STK3: variants seen among roughly 807,000 people sequenced by gnomAD.
The protein encoded by STK3 is serine/threonine kinase 3.
A neutral mutation model predicts 58.0 loss-of-function variants in STK3; 41 were observed. The observed-to-expected ratio is 0.71, with a 90% CI of 0.55 to 0.92. STK3 has a LOEUF of 0.92. Among genes scored for constraint, STK3 ranks in the 40% least tolerant of loss-of-function variants. The pLI is 0.00. For synonymous variants in STK3, 170 were observed against 191.0 expected, an observed-to-expected ratio of 0.89 and a Z score of 0.91; for missense variants, 479 against 602.7, an observed-to-expected ratio of 0.79 and a Z score of 2.15.
intron 1 of STK3, among the ~76,000 whole-genome samples, chr8:98,926,948 G>A (rs775989101): frequency 5.3e-5 from 8 of 152,138 alleles, no homozygotes; most frequent in Non-Finnish European, 1.2e-4. Flanking sequence ...GAACTGCAGG[G>A]GCATGGGGCC....
chr8:98,628,220 A>G (rs1194862022), intron 6 of STK3, among the ~76,000 whole-genome samples: 1 of 152,166 alleles, frequency 6.6e-6, no homozygotes, highest in African/African-American at 2.4e-5. Flanking sequence ...AGTTTATACA[A>G]GCTATCCACA....
chr8:98,910,396 C>T (rs1451294613), intron 1 of STK3, among the ~76,000 whole-genome samples: 1 of 152,104 alleles, frequency 6.6e-6, no homozygotes, highest in East Asian at 1.9e-4. Flanking sequence ...AATATTCCAG[C>T]AGATGAGCTC....
At chr8:98,896,966 C>A (rs902027101) in intron 1 of STK3, among the ~76,000 whole-genome samples, 3 of 151,530 alleles carry the variant, frequency 2.0e-5, no homozygotes, top group Non-Finnish European at 4.4e-5. Context: ...GCGACAGAGA[C>A]CCTGTCTCAA....
intron 2 of STK3, among the ~76,000 whole-genome samples, chr8:98,435,500 A>G (rs139031090): frequency 1.2e-3 from 181 of 151,788 alleles, no homozygotes; most frequent in African/African-American, 3.8e-3. Context: ...TCAGCTTGGA[A>G]GTGTGAGAGG....
chr8:98,707,411 TG>T, intron 4 of STK3, 100 bp from the exon 5 acceptor site: 3 of 939,692 alleles, frequency 3.2e-6, no homozygotes, highest in Non-Finnish European at 4.6e-6. Flanking sequence ...TGTGTGTGTG[TG>T]TGTTTTTTTT....
chr8:98,444,434 G>A (rs1449769567), intron 1 of STK3, among the ~76,000 whole-genome samples: 3 of 152,170 alleles, frequency 2.0e-5, no homozygotes, highest in South Asian at 2.1e-4. Flanking sequence ...GGGTGAGATC[G>A]ACTGAGGAGG....
chr8:98,577,727 T>G (rs1372941610), intron 8 of STK3, among the ~76,000 whole-genome samples: 1 of 152,042 alleles, frequency 6.6e-6, no homozygotes, highest in Non-Finnish European at 1.5e-5. Context: ...ACCCTGAGAA[T>G]GAATCACGTA....
chr8:98,940,057 A>G (rs72668463), intron 1 of STK3, among the ~76,000 whole-genome samples: 2,021 of 152,252 alleles, frequency 0.013, 22 homozygotes, highest in Non-Finnish European at 0.021. Context: ...ACTGCAGGAG[A>G]TCCCCTTCCC....
intron 1 of STK3, among the ~76,000 whole-genome samples, chr8:98,791,835 A>T (rs1587633216): frequency 6.6e-6 from 1 of 152,238 alleles, no homozygotes; most frequent in Admixed American, 6.5e-5. Flanking sequence ...CAGGGACTTA[A>T]ATCTAAGACC....
chr8:98,765,434 A>C (rs1830883169), intron 3 of STK3, among the ~76,000 whole-genome samples: 3 of 152,238 alleles, frequency 2.0e-5, no homozygotes, highest in Non-Finnish European at 1.5e-5. Flanking sequence ...TACAATCTAT[A>C]GATCCTATGT....
intron 2 of STK3, among the ~76,000 whole-genome samples, chr8:98,771,399 A>G (rs1243043743): frequency 6.6e-6 from 1 of 152,202 alleles, no homozygotes; most frequent in East Asian, 1.9e-4. Context: ...ATATGCTATG[A>G]GTTGGTACCT....
chr8:98,390,925 A>G (rs1408114747), upstream of STK3, among the ~76,000 whole-genome samples: 2 of 152,064 alleles, frequency 1.3e-5, no homozygotes, highest in Admixed American at 6.5e-5. Context: ...AAGACCTTCT[A>G]TTCTTTCTAT....
chr8:98,700,331 G>A (rs867723465), intron 6 of STK3, among the ~76,000 whole-genome samples: 1 of 152,198 alleles, frequency 6.6e-6, no homozygotes, highest in Admixed American at 6.5e-5. Context: ...GTGAGGCAAT[G>A]CCTCGCCCTG....
intron 6 of STK3, among the ~76,000 whole-genome samples, chr8:98,657,155 T>G (rs758209411): frequency 3.0e-4 from 46 of 152,044 alleles, no homozygotes; most frequent in Non-Finnish European, 6.3e-4. Context: ...AATATATACA[T>G]AACAGTCAAG....
Position 98,428,867 on chromosome 8 carries a change from C to A in STK3, n.483+5260G>T. Reference sequence around the variant, plus strand: ...CCAACTTGGGCAGGGTGGCCCAGGTCCTGAGGCTGATGCGGATCTTCCGCA... The same window carrying A: ...CCAACTTGGGCAGGGTGGCCCAGGTACTGAGGCTGATGCGGATCTTCCGCA... On this transcript the variant is annotated intron_variant and non_coding_transcript_variant, in intron 3 of 3. Transcript: ENST00000517832. The surrounding 1 kb of genome is among the most constrained non-coding windows in gnomAD (Gnocchi z 6.7). The A allele has an allele frequency of 6.2e-7, 1 of 1,614,186 alleles. No individual in the cohort carries two copies. Among genetic ancestry groups the A allele is most frequent in the Non-Finnish European group, 8.5e-7 (1 of 1,180,038 alleles).
At chr8:98,410,244 G>A (rs1818040080) in intron 3 of STK3, among the ~76,000 whole-genome samples, 1 of 152,070 alleles carries the variant, frequency 6.6e-6, no homozygotes, top group Admixed American at 6.6e-5. Context: ...AACACTAAAT[G>A]CACTCCCTCC....
At chr8:98,585,704 G>A (rs903986483) in intron 7 of STK3, among the ~76,000 whole-genome samples, 15 of 151,814 alleles carry the variant, frequency 9.9e-5, no homozygotes, top group Admixed American at 5.9e-4. Flanking sequence ...CCTTTTTCAC[G>A]ATATTGATTC....
intron 10 of STK3, among the ~76,000 whole-genome samples, chr8:98,484,292 G>C (rs947220830): frequency 1.3e-5 from 2 of 152,092 alleles, no homozygotes; most frequent in Non-Finnish European, 2.9e-5. Flanking sequence ...TGATACCAAA[G>C]TATCCTTATT....
At chr8:98,743,043 AAGG>A (rs1409801100) in intron 4 of STK3, among the ~76,000 whole-genome samples, 4 of 152,034 alleles carry the variant, frequency 2.6e-5, no homozygotes, top group African/African-American at 4.8e-5. Flanking sequence ...GGACCTCTTC[AAGG>A]AGAACTACAA....
Sources: gnomAD v4.1 joint callset for allele counts (sites outside exome capture counted in the v4.1 genomes callset) on GRCh38, gnomAD v4.1.1 for gene constraint, Gnocchi (gnomAD v3.1) non-coding constraint, MANE v1.5 for transcripts, NCBI Gene and HGNC (gene_info 2026-07-23, HGNC 2026-07-21) for gene names.